Variants in SELENOI observed in about 807,000 individuals in gnomAD.
The protein encoded by SELENOI is selenoprotein I, also known as ethanolaminephosphotransferase 1.
Under a neutral mutation model 50.7 loss-of-function variants are expected in SELENOI, and 24 were observed. That is an observed-to-expected ratio of 0.47 (90% CI 0.34 to 0.67). The LOEUF (loss-of-function observed/expected upper bound fraction) is 0.67, where lower values mean the gene tolerates loss of function less well. SELENOI is among the 30% of genes least tolerant of loss of function. The probability of loss-of-function intolerance (pLI) is 0.01; values close to 1 mark genes in which losing one functional copy is unlikely to be tolerated. For synonymous variants in SELENOI, 155 were observed against 170.2 expected, an observed-to-expected ratio of 0.91 and a Z score of 0.70; for missense variants, 352 against 461.4, an observed-to-expected ratio of 0.76 and a Z score of 2.17.
rs777146697 is a variant in SELENOI, at chr2:26,386,532, G to A, written c.1091G>A (p.Arg364Gln). ...FTLAHIHYGV[R>Q]VVKQLSSHFQ... is the part of the protein sequence containing the mutation. ...CTGGCCCACATCCATTATGGAGTAC[G>A]AGTGGTGAGTAATCTACAGCAAAAT... Residue 364 changes from arginine to glutamine, a missense_variant, in exon 9 of 10, where the codon CGA becomes CAA. By Grantham distance (43) the Arg-to-Gln change is conservative. Transcript: ENST00000260585. 6.3e-7 allele frequency: 1 copy of A among 1,595,106 alleles called. No homozygotes were observed. Among genetic ancestry groups the A allele is most frequent in the Non-Finnish European group, 8.5e-7 (1 of 1,171,578 alleles).
Position 26,386,550 on chromosome 2 carries a change from A to C in SELENOI, c.1095+14A>C, listed in dbSNP as rs765933079. 6.5e-7 allele frequency: 1 copy of C among 1,546,440 alleles called. No individual in the cohort carries two copies. Among genetic ancestry groups the C allele is most frequent in the East Asian group, 2.4e-5 (1 of 41,770 alleles). On this transcript the variant is annotated intron_variant, in intron 9 of 9. Coordinates refer to ENST00000260585, the MANE Select transcript of SELENOI (RefSeq NM_033505.4). The stretch of plus-strand genomic sequence containing the variant: ...GGAGTACGAGTGGTGAGTAATCTAC[A>C]GCAAAATGGGTTCAATTTGGGGCTT...
At chr2:26,362,762 GA>G (rs1056576849) in intron 1 of SELENOI, among the ~76,000 whole-genome samples, 2 of 144,134 alleles carry the variant, frequency 1.4e-5, no homozygotes, top group African/African-American at 2.6e-5. Context: ...TCAAAAAAAA[GA>G]AAAAAAAAAG....
At chr2:26,376,413 AT>A (rs1233745333) in intron 6 of SELENOI, among the ~76,000 whole-genome samples, 2 of 152,232 alleles carry the variant, frequency 1.3e-5, no homozygotes, top group East Asian at 3.8e-4. Flanking sequence ...TGCATGTTAC[AT>A]TTAAGTGTTA....
chr2:26,369,631 C>T (rs1677367687), intron 4 of SELENOI, among the ~76,000 whole-genome samples: 1 of 152,216 alleles, frequency 6.6e-6, no homozygotes, highest in African/African-American at 2.4e-5. Context: ...GTCATTCATA[C>T]CGTCAGGTGC....
At chr2:26,371,702 A>C (rs999644636) in intron 4 of SELENOI, among the ~76,000 whole-genome samples, 1 of 152,262 alleles carries the variant, frequency 6.6e-6, no homozygotes, top group Non-Finnish European at 1.5e-5. Context: ...CCACCAAAAA[A>C]ATACGAAAAC....
chr2:26,382,242 A>T (rs1424514662), intron 6 of SELENOI, among the ~76,000 whole-genome samples: 3 of 152,224 alleles, frequency 2.0e-5, no homozygotes, highest in Non-Finnish European at 4.4e-5. Context: ...TGAGAGAGAG[A>T]GAGTATAAGT....
intron 8 of SELENOI, 133 bp downstream of exon 8, chr2:26,385,272 A>C (rs1413536276): frequency 1.7e-6 from 1 of 574,428 alleles, no homozygotes; most frequent in African/African-American, 1.9e-5. Context: ...ATTTGAAAGA[A>C]TAGTAACCTC....
intron 4 of SELENOI, among the ~76,000 whole-genome samples, chr2:26,368,945 C>CT (rs1175217877): frequency 2.0e-5 from 3 of 152,150 alleles, no homozygotes; most frequent in Non-Finnish European, 4.4e-5. Flanking sequence ...TTCATATAGT[C>CT]TTCAACAATA....
At position 26,368,899 on chromosome 2, in the gene SELENOI, C is replaced by A. The variant is rs1010748412; in HGVS notation, c.310+1679C>A. 2.6e-5 allele frequency among the ~76,000 whole-genome samples: 4 copies of A among 152,248 alleles called. No individual in the cohort carries two copies. In the East Asian group the frequency reaches 7.7e-4, roughly 29 times the overall value. ...TTTCCCAACCCTGTATAACAGAAATCTGTAGTATTTGGATAGGGAGTTTGG... is the reference window on the plus strand; with the variant it reads ...TTTCCCAACCCTGTATAACAGAAATATGTAGTATTTGGATAGGGAGTTTGG... On this transcript the variant is annotated intron_variant, in intron 4 of 9. Transcript: ENST00000260585.
intron 1 of SELENOI, among the ~76,000 whole-genome samples, chr2:26,364,064 C>A (rs1677235711): frequency 6.9e-6 from 1 of 145,438 alleles, no homozygotes; most frequent in Middle Eastern, 3.4e-3. Flanking sequence ...TGTACTATTA[C>A]TTTCTTTCTC....
chr2:26,383,442 C>T, intron 7 of SELENOI, 95 bp downstream of exon 7: 1 of 880,060 alleles, frequency 1.1e-6, no homozygotes, highest in Non-Finnish European at 1.7e-6. Flanking sequence ...GGAGTCAGGA[C>T]ATTTTGAAAA....
chr2:26,389,279 G>A lies in SELENOI; in HGVS notation c.*176G>A. 2 of 536,122 alleles carry A rather than the reference G, an allele frequency of 3.7e-6. No homozygotes were observed. Among genetic ancestry groups the A allele is most frequent in the Non-Finnish European group, 3.3e-6 (1 of 301,388 alleles). 33.2% of individuals were successfully genotyped at this position (536,122 alleles called of 1,614,324 possible). A position where few individuals can be genotyped will look rare whatever the true frequency, so the allele number is the denominator to read the frequency against. ...GAAATTTTGGACCTACTAACTCTAAGCCTATTTTATTTTTTATAAAACTAT... is the reference window on the plus strand; with the variant it reads ...GAAATTTTGGACCTACTAACTCTAAACCTATTTTATTTTTTATAAAACTAT... On this transcript the variant is annotated 3_prime_UTR_variant, in exon 10 of 10. Coordinates refer to ENST00000260585, the MANE Select transcript of SELENOI (RefSeq NM_033505.4).
chr2:26,361,011 G>A (rs1677164769), intron 1 of SELENOI, among the ~76,000 whole-genome samples: 1 of 152,138 alleles, frequency 6.6e-6, no homozygotes, highest in Non-Finnish European at 1.5e-5. Flanking sequence ...TCAGGAGATC[G>A]AGACCATCCT....
intron 3 of SELENOI, among the ~76,000 whole-genome samples, chr2:26,366,819 A>G (rs552088554): frequency 1.3e-5 from 2 of 152,364 alleles, no homozygotes; most frequent in Non-Finnish European, 2.9e-5. Flanking sequence ...ATTAGATTAA[A>G]TGCAATTAAT....
At position 26,383,489 on chromosome 2, in the gene SELENOI, A is replaced by G. The variant is rs1677752750; in HGVS notation, c.731+142A>G. On this transcript the variant is annotated intron_variant, in intron 7 of 9. Transcript: ENST00000260585. ...CTATATTTTAAATCTTTAATGGGGT[A>G]GGATAGTTTAGGGTGTCGATGGTGG... is the stretch of plus-strand genomic sequence containing the variant. 5.0e-6 allele frequency: 3 copies of G among 599,196 alleles called. No individual in the cohort carries two copies. In the South Asian group the frequency reaches 6.1e-5, roughly 12 times the overall value. 37.1% of individuals were successfully genotyped at this position (599,196 alleles called of 1,614,324 possible).
At chr2:26,373,817 T>A (rs1022648929) in intron 5 of SELENOI, among the ~76,000 whole-genome samples, 188 bp downstream of exon 5, 1 of 152,180 alleles carries the variant, frequency 6.6e-6, no homozygotes, top group Non-Finnish European at 1.5e-5. Flanking sequence ...AGAGAGAATA[T>A]TTAGGAAAAA....
At chr2:26,354,690 G>C (rs555894268) in intron 1 of SELENOI, among the ~76,000 whole-genome samples, 1 of 152,022 alleles carries the variant, frequency 6.6e-6, no homozygotes, top group South Asian at 2.1e-4. Context: ...CGCGCCTGGC[G>C]GTACTGGCTG....
chr2:26,354,529 G>C (rs1677025755), intron 1 of SELENOI, among the ~76,000 whole-genome samples: 2 of 152,050 alleles, frequency 1.3e-5, no homozygotes, highest in African/African-American at 4.8e-5. Flanking sequence ...TGGGACTACA[G>C]GCGGCCGCCA....
chr2:26,383,957 A>G (rs145386963), intron 7 of SELENOI, among the ~76,000 whole-genome samples: 7 of 152,318 alleles, frequency 4.6e-5, no homozygotes, highest in African/African-American at 1.4e-4. Context: ...GACTTTTCTT[A>G]AATAGCCCTT....
Sources: allele counts gnomAD v4.1 joint callset (sites outside exome capture counted in the v4.1 genomes callset), GRCh38; gene constraint gnomAD v4.1.1; transcripts MANE v1.5; gene names NCBI Gene and HGNC (gene_info 2026-07-23, HGNC 2026-07-21).